The following FOXO3 variants were observed in gnomAD, a reference collection of about 807,000 sequenced individuals.
The protein encoded by FOXO3 is forkhead box O3.
A neutral mutation model predicts 41.9 loss-of-function variants in FOXO3; 4 were observed. The ratio of observed to expected loss-of-function variants is 0.10; its 90% confidence interval spans 0.05 to 0.22. The LOEUF is 0.22. Ranked by LOEUF, FOXO3 falls within the 10% of genes least tolerant of loss-of-function variation. The pLI is 1.00. For missense variants in FOXO3, 534 were observed against 906.8 expected (o/e 0.59, Z 5.28); for synonymous variants, 318 against 389.3 (o/e 0.82, Z 2.16).
chr6:108,650,738 G>T (rs550358645), intron 1 of FOXO3, among the ~76,000 whole-genome samples: 1 of 152,250 alleles, frequency 6.6e-6, no homozygotes, highest in South Asian at 2.1e-4. Flanking sequence ...AGAATACAGG[G>T]GTATCTGAGT....
At chr6:108,640,549 T>G (rs1383863349) in intron 1 of FOXO3, among the ~76,000 whole-genome samples, 1 of 152,244 alleles carries the variant, frequency 6.6e-6, no homozygotes, top group African/African-American at 2.4e-5. Context: ...ATGTGCATTA[T>G]CTTGATGTTT....
At chr6:108,566,570 T>C (rs921718530) in intron 1 of FOXO3, among the ~76,000 whole-genome samples, 7 of 152,146 alleles carry the variant, frequency 4.6e-5, no homozygotes, top group Non-Finnish European at 7.4e-5. Context: ...AAACCCCATC[T>C]TATTTTTTTT....
chr6:108,594,262 A>G (rs1432580280), intron 1 of FOXO3, among the ~76,000 whole-genome samples: 1 of 152,238 alleles, frequency 6.6e-6, no homozygotes, highest in Non-Finnish European at 1.5e-5. Flanking sequence ...CAAAAAGATG[A>G]AAACGGGTTA....
At chr6:108,585,864 G>C (rs774196758) in intron 1 of FOXO3, among the ~76,000 whole-genome samples, 12 of 152,338 alleles carry the variant, frequency 7.9e-5, no homozygotes, top group African/African-American at 2.9e-4. Context: ...CTGCAAAGTG[G>C]TGGGCGTGCT....
chr6:108,664,983 C>A, intron 2 of FOXO3, 94 bp downstream of exon 2: 1 of 1,291,312 alleles, frequency 7.7e-7, no homozygotes, highest in Non-Finnish European at 1.1e-6. Flanking sequence ...GAACTTTATT[C>A]CACACTGAAA....
intron 1 of FOXO3, among the ~76,000 whole-genome samples, chr6:108,576,438 T>G (rs1055786796): frequency 1.3e-5 from 2 of 152,230 alleles, no homozygotes; most frequent in African/African-American, 4.8e-5. Flanking sequence ...AATCAGTGAA[T>G]GCTTTGAGTT....
At position 108,560,931 on chromosome 6, in the gene FOXO3, C is replaced by T. The variant is rs904046396; in HGVS notation, c.-278C>T. 7 of 1,283,496 alleles carry T rather than the reference C, an allele frequency of 5.5e-6. No individual in the cohort carries two copies. Among genetic ancestry groups the T allele is most frequent in the African/African-American group, 3.1e-5 (2 of 63,956 alleles). The allele number at this position is 1,283,496 out of a possible 1,614,324, so 79.5% of individuals were successfully genotyped here. A position where few individuals can be genotyped will look rare whatever the true frequency, so the allele number is the denominator to read the frequency against. On this transcript the variant is annotated 5_prime_UTR_variant, in exon 1 of 3. Coordinates refer to ENST00000406360, the MANE Select transcript of FOXO3 (RefSeq NM_001455.4). ...GGCCGGGGGGCGGTGTCTGCTGCGCCAGGTTCGCTGGCCGCACGTCTTCAG... is the reference window on the plus strand; with the variant it reads ...GGCCGGGGGGCGGTGTCTGCTGCGCTAGGTTCGCTGGCCGCACGTCTTCAG...
At chr6:108,617,724 G>A (rs1342459614) in intron 1 of FOXO3, among the ~76,000 whole-genome samples, 2 of 152,084 alleles carry the variant, frequency 1.3e-5, no homozygotes, top group Non-Finnish European at 2.9e-5. Flanking sequence ...GAGTGGGGGT[G>A]TTTTCACAGA....
intron 1 of FOXO3, among the ~76,000 whole-genome samples, chr6:108,610,154 G>A (rs1165181809): frequency 6.6e-6 from 1 of 152,220 alleles, no homozygotes; most frequent in Non-Finnish European, 1.5e-5. Context: ...AATAGGACAA[G>A]GGTTGAATGG....
chr6:108,634,731 G>T lies in FOXO3; in HGVS notation c.622-28724G>T, dbSNP rs148030942. Among the ~76,000 whole-genome samples, 36 of 152,244 alleles carry T rather than the reference G, an allele frequency of 2.4e-4. 1 individual carries two copies. The highest frequency in any genetic ancestry group is 7.7e-4 in the African/African-American group (32 of 41,540). ...TCTTAATACAGATAAGATGGATCAT[G>T]AGGCTGGATGATGAGTACATGGGGG... is the stretch of plus-strand genomic sequence containing the variant. On this transcript the variant is annotated intron_variant, in intron 1 of 2. Coordinates refer to ENST00000406360, the MANE Select transcript of FOXO3 (RefSeq NM_001455.4).
chr6:108,560,354 A>C (rs1198134624), upstream of FOXO3, among the ~76,000 whole-genome samples: 1 of 152,156 alleles, frequency 6.6e-6, no homozygotes, highest in African/African-American at 2.4e-5. Context: ...AATGCAAACC[A>C]CACAAAACCC....
chr6:108,664,159 C>T lies in FOXO3; in HGVS notation c.1326C>T (p.Ser442=), dbSNP rs756686319. 1.2e-6 allele frequency: 2 copies of T among 1,613,938 alleles called. No individual in the cohort carries two copies. The highest frequency in any genetic ancestry group is 1.7e-5 in the Admixed American group (1 of 60,002). Reference sequence around the variant, plus strand: ...TGTTCGGACCTTCATCTCTGAACTCCCTACGCCAGTCTCCCATGCAGACCA... The same window carrying T: ...TGTTCGGACCTTCATCTCTGAACTCTCTACGCCAGTCTCCCATGCAGACCA... ...STVFGPSSLN[S]LRQSPMQTIQ... is the part of the protein sequence containing the mutation. The change falls in exon 2 of 3, where the codon TCC becomes TCT. Residue 442 remains serine, a synonymous_variant. Coordinates refer to ENST00000406360, the MANE Select transcript of FOXO3 (RefSeq NM_001455.4).
In FOXO3 at chr6:108,683,971, A is replaced by G. The variant is rs554518466; in HGVS notation, c.*4179A>G. On this transcript the variant is annotated 3_prime_UTR_variant, in exon 3 of 3. Transcript: ENST00000406360. ...GAGGTCTTGAAGCGGATGCCCAAAT[A>G]AAAGAGTATATTTTATCTAAATCTT... 3.9e-5 allele frequency: 6 copies of G among 152,752 alleles called. No individual in the cohort carries two copies. Among genetic ancestry groups the G allele is most frequent in the Non-Finnish European group, 7.3e-5 (5 of 68,030 alleles). The allele number at this position is 152,752 out of a possible 1,614,324, so 9.5% of individuals were successfully genotyped here. A position where few individuals can be genotyped will look rare whatever the true frequency, so the allele number is the denominator to read the frequency against.
At chr6:108,581,369 G>T (rs1287215871) in intron 1 of FOXO3, among the ~76,000 whole-genome samples, 1 of 152,140 alleles carries the variant, frequency 6.6e-6, no homozygotes, top group Non-Finnish European at 1.5e-5. Context: ...CCTTGGCAGA[G>T]GCTGGAGGGT....
In FOXO3 at chr6:108,663,316, C is replaced by G. The variant is rs533522995; in HGVS notation, c.622-139C>G. The G allele has an allele frequency of 1.3e-3, 1,791 of 1,341,010 alleles. 1 individual carries two copies. Among genetic ancestry groups the G allele is most frequent in the Non-Finnish European group, 1.7e-3 (1,693 of 1,006,936 alleles). 83.1% of individuals were successfully genotyped at this position (1,341,010 alleles called of 1,614,324 possible). The stretch of plus-strand genomic sequence containing the variant: ...AGGTTGAGGCTGCACCACTGCATTC[C>G]AGCATGGGCAGCAGAGTGAGACCTT... On this transcript the variant is annotated intron_variant, in intron 1 of 2. Coordinates refer to ENST00000406360, the MANE Select transcript of FOXO3 (RefSeq NM_001455.4).
intron 1 of FOXO3, among the ~76,000 whole-genome samples, chr6:108,600,515 C>G (rs1777019911): frequency 7.5e-6 from 1 of 133,406 alleles, no homozygotes. Flanking sequence ...CCACTGCACT[C>G]CAGTCTAGGT....
intron 1 of FOXO3, among the ~76,000 whole-genome samples, chr6:108,563,748 CT>C (rs898293404): frequency 1.3e-5 from 2 of 152,042 alleles, no homozygotes; most frequent in African/African-American, 4.8e-5. Flanking sequence ...ACAAATATTT[CT>C]TGTTATTTTG....
chr6:108,572,085 A>C (rs575336315), intron 1 of FOXO3, among the ~76,000 whole-genome samples: 8 of 151,870 alleles, frequency 5.3e-5, no homozygotes, highest in Admixed American at 2.0e-4. Flanking sequence ...CCCCCTCCTT[A>C]CTGAATTTCT....
chr6:108,599,750 T>G (rs1776990619), intron 1 of FOXO3, among the ~76,000 whole-genome samples: 1 of 152,220 alleles, frequency 6.6e-6, no homozygotes, highest in Non-Finnish European at 1.5e-5. Context: ...CCACCCCACA[T>G]CCACCATATA....
Sources: allele counts gnomAD v4.1 joint callset (sites outside exome capture counted in the v4.1 genomes callset), GRCh38; gene constraint gnomAD v4.1.1; transcripts MANE v1.5; gene names NCBI Gene and HGNC (gene_info 2026-07-23, HGNC 2026-07-21).